FAM181B: variants seen among roughly 807,000 people sequenced by gnomAD.
FAM181B encodes the protein family with sequence similarity 181 member B.
In FAM181B, 13 loss-of-function variants were observed where a neutral mutation model predicts 17.8. The ratio of observed to expected loss-of-function variants is 0.73; its 90% CI spans 0.48 to 1.16. The LOEUF (loss-of-function observed/expected upper bound fraction) is 1.16. FAM181B is among the 50% of genes most tolerant of loss of function. The probability of loss-of-function intolerance (pLI) is 0.00; values close to 1 mark genes in which losing one functional copy is unlikely to be tolerated. For missense variants in FAM181B, 725 were observed against 634.1 expected, an observed-to-expected ratio of 1.14 and a Z score of -1.54; for synonymous variants, 338 against 316.5, an observed-to-expected ratio of 1.07 and a Z score of -0.72.
At position 82,730,407 on chromosome 11, in the gene FAM181B, G is replaced by A. The variant is rs1857115732; in HGVS notation, c.*2042C>T. The A allele has an allele frequency of 6.6e-6, 1 of 152,198 alleles. No homozygotes were observed. 9.4% of individuals were successfully genotyped at this position (152,198 alleles called of 1,614,324 possible). A position where few individuals can be genotyped will look rare whatever the true frequency, so the allele number is the denominator to read the frequency against. The stretch of plus-strand genomic sequence containing the variant: ...TTACTACACTAGGTAAGAAAGGAGA[G>A]GAGAATTAAGAAACATTACAATGAC... On this transcript the variant is annotated 3_prime_UTR_variant, in exon 1 of 1. Coordinates refer to ENST00000329203, the MANE Select transcript of FAM181B (RefSeq NM_175885.4).
At position 82,733,476 on chromosome 11, in the gene FAM181B, C is replaced by G; in HGVS notation, c.254G>C (p.Gly85Ala). 6.2e-7 allele frequency: 1 copy of G among 1,601,606 alleles called. No homozygotes were observed. The highest frequency in any genetic ancestry group is 8.5e-7 in the Non-Finnish European group (1 of 1,175,104). ...GTGGTTCACCTTCCGCTTCGACTTG[C>G]CCGGCTTGTCCAGCGCCAGCTTGAT... Reference protein sequence around the residue: ...SNIKLALDKPGKSKRKVNHRK... With the variant: ...SNIKLALDKPAKSKRKVNHRK... Residue 85 changes from glycine to alanine, a missense_variant, in exon 1 of 1, where the codon GGC becomes GCC. By Grantham distance (60) the Gly-to-Ala change is moderately conservative (BLOSUM62 0). Transcript: ENST00000329203.
At position 82,730,734 on chromosome 11, in the gene FAM181B, T is replaced by C. The variant is rs1056948208; in HGVS notation, c.*1715A>G. 1 of 152,242 alleles carries C rather than the reference T, an allele frequency of 6.6e-6. No homozygotes were observed. Among genetic ancestry groups the C allele is most frequent in the Non-Finnish European group, 1.5e-5 (1 of 68,038 alleles). 9.4% of individuals were successfully genotyped at this position (152,242 alleles called of 1,614,324 possible). On this transcript the variant is annotated 3_prime_UTR_variant, in exon 1 of 1. Transcript: ENST00000329203. ...ATAGCATTTAAAGTTGCATCTACCA[T>C]TGGTTAATACTCATTTTTTCCAGAA... is the stretch of plus-strand genomic sequence containing the variant.
Position 82,732,801 on chromosome 11 carries a change from G to C in FAM181B, c.929C>G (p.Pro310Arg). Reference protein sequence around the residue: ...PPELEPGLFEPPPAVVGNLLY... With the variant: ...PPELEPGLFERPPAVVGNLLY... ...TAGGTTTCCCACCACTGCCGGCGGC[G>C]GCTCAAAGAGGCCGGGCTCCAGCTC... Residue 310 changes from proline (P) to arginine (R), a missense_variant, in exon 1 of 1, where the codon CCG (proline) becomes CGG (arginine). By Grantham distance (103) the Pro-to-Arg change is moderately radical (BLOSUM62 -2). Transcript: ENST00000329203. The C allele has an allele frequency of 6.7e-7, 1 of 1,503,468 alleles. No homozygotes were observed. 93.1% of individuals were successfully genotyped at this position (1,503,468 alleles called of 1,614,324 possible).
rs1213174931 is a variant in FAM181B at position 82,732,433 on chromosome 11, G to C, written c.*16C>G. ...TCTCCACAGCCGTCTCTAATGAAGG[G>C]AAGCGTGCCTCGAAGTCAGTCCCGG... On this transcript the variant is annotated 3_prime_UTR_variant, in exon 1 of 1. Coordinates refer to ENST00000329203, the MANE Select transcript of FAM181B (RefSeq NM_175885.4). The C allele has an allele frequency of 6.2e-7, 1 of 1,611,386 alleles. No individual in the cohort carries two copies.
chr11:82,731,426 G>C lies in FAM181B; in HGVS notation c.*1023C>G, dbSNP rs1351097629. 4 of 152,240 alleles carry C rather than the reference G, an allele frequency of 2.6e-5. No homozygotes were observed. Among genetic ancestry groups the C allele is most frequent in the Non-Finnish European group, 4.4e-5 (3 of 68,090 alleles). The allele number at this position is 152,240 out of a possible 1,614,324, so 9.4% of individuals were successfully genotyped here. ...TAGCCCCCCGCCAAAAAAGGCATGGGACTCACAACTCTGTTTCCGTGTGTA... is the reference window on the plus strand; with the variant it reads ...TAGCCCCCCGCCAAAAAAGGCATGGCACTCACAACTCTGTTTCCGTGTGTA... On this transcript the variant is annotated 3_prime_UTR_variant, in exon 1 of 1. Coordinates refer to ENST00000329203, the MANE Select transcript of FAM181B (RefSeq NM_175885.4).
chr11:82,733,372 C>A lies in FAM181B; in HGVS notation c.358G>T (p.Ala120Ser), dbSNP rs1857165010. The A allele has an allele frequency of 6.4e-6, 9 of 1,411,888 alleles. No homozygotes were observed. Among genetic ancestry groups the A allele is most frequent in the Non-Finnish European group, 8.3e-6 (9 of 1,080,822 alleles). 87.5% of individuals were successfully genotyped at this position (1,411,888 alleles called of 1,614,324 possible). Residue 120 changes from alanine to serine, a missense_variant, in exon 1 of 1, where the codon GCC (alanine) becomes TCC (serine). Physicochemically the swap from Ala to Ser is moderately conservative, Grantham distance 99 (BLOSUM62 1). Coordinates refer to ENST00000329203, the MANE Select transcript of FAM181B (RefSeq NM_175885.4). ...GGCCGTTTGGCTGGCGTGTCGGCGG[C>A]GCTCGGGGAGGGCGGGCCGGGGGGC... ...AAPPGPPSPS[A>S]ADTPAKRPLA...
chr11:82,733,365 T>A lies in FAM181B; in HGVS notation c.365A>T (p.Asp122Val), dbSNP rs1477992739. 8.7e-6 allele frequency: 12 copies of A among 1,384,874 alleles called. No homozygotes were observed. The highest frequency in any genetic ancestry group is 1.1e-5 in the Non-Finnish European group (12 of 1,068,354). 85.8% of individuals were successfully genotyped at this position (1,384,874 alleles called of 1,614,324 possible). ...PPGPPSPSAA[D>V]TPAKRPLAAP... Reference sequence around the variant, plus strand: ...GGCCAGCGGCCGTTTGGCTGGCGTGTCGGCGGCGCTCGGGGAGGGCGGGCC... The same window carrying A: ...GGCCAGCGGCCGTTTGGCTGGCGTGACGGCGGCGCTCGGGGAGGGCGGGCC... Residue 122 changes from aspartate (D) to valine (V), a missense_variant, in exon 1 of 1, where the codon GAC (aspartate) becomes GTC (valine). Physicochemically the swap from Asp to Val is radical, Grantham distance 152. Coordinates refer to ENST00000329203, the MANE Select transcript of FAM181B (RefSeq NM_175885.4).
rs1033980255 is a variant in FAM181B, at chr11:82,731,368, T to C, written c.*1081A>G. On this transcript the variant is annotated 3_prime_UTR_variant, in exon 1 of 1. Transcript: ENST00000329203. ...GGGATGGTAAAGAGGATGTACAGCTTGTAAGGGAAAGGGCAATCACCAGGC... is the reference window on the plus strand; with the variant it reads ...GGGATGGTAAAGAGGATGTACAGCTCGTAAGGGAAAGGGCAATCACCAGGC... 3.9e-5 allele frequency: 6 copies of C among 152,052 alleles called. No individual in the cohort carries two copies. The highest frequency in any genetic ancestry group is 6.6e-5 in the Admixed American group (1 of 15,254). 9.4% of individuals were successfully genotyped at this position (152,052 alleles called of 1,614,324 possible). A position where few individuals can be genotyped will look rare whatever the true frequency, so the allele number is the denominator to read the frequency against.
At position 82,733,802 on chromosome 11, in the gene FAM181B, G is replaced by C. The variant is rs1341080862; in HGVS notation, c.-73C>G. On this transcript the variant is annotated 5_prime_UTR_variant, in exon 1 of 1. Transcript: ENST00000329203. Reference sequence around the variant, plus strand: ...AGCTCCTGCCCGCCGCCCAGACCCAGCTCCCGCCCCGGCGCGGCGCGCGCG... The same window carrying C: ...AGCTCCTGCCCGCCGCCCAGACCCACCTCCCGCCCCGGCGCGGCGCGCGCG... The C allele has an allele frequency of 1.7e-6, 2 of 1,177,962 alleles. No individual in the cohort carries two copies. The highest frequency in any genetic ancestry group is 2.1e-6 in the Non-Finnish European group (2 of 946,948). 73.0% of individuals were successfully genotyped at this position (1,177,962 alleles called of 1,614,324 possible). A position where few individuals can be genotyped will look rare whatever the true frequency, so the allele number is the denominator to read the frequency against.
chr11:82,733,230 G>A lies in FAM181B; in HGVS notation c.500C>T (p.Ala167Val), dbSNP rs1303798965. The A allele has an allele frequency of 2.2e-5, 28 of 1,277,310 alleles. No individual in the cohort carries two copies. The highest frequency in any genetic ancestry group is 2.8e-5 in the Non-Finnish European group (28 of 1,017,328). 79.1% of individuals were successfully genotyped at this position (1,277,310 alleles called of 1,614,324 possible). A position where few individuals can be genotyped will look rare whatever the true frequency, so the allele number is the denominator to read the frequency against. The change falls in exon 1 of 1, where the codon GCG (alanine) becomes GTG (valine). Residue 167 changes from alanine (A) to valine (V), a missense_variant. By Grantham distance (64) the Ala-to-Val change is moderately conservative. Coordinates refer to ENST00000329203, the MANE Select transcript of FAM181B (RefSeq NM_175885.4). ...GACGTGGCGCAGCGAGTCGAAGAGC[G>A]CGGCCAGACTTCGGCTTTGCAAGCT... ...AASLQSRSLAALFDSLRHVPG... is the reference protein window; with the variant it reads ...AASLQSRSLAVLFDSLRHVPG...
rs530378173 is a variant in FAM181B, at chr11:82,733,710, A to G, written c.20T>C (p.Leu7Pro). The G allele has an allele frequency of 2.4e-5, 35 of 1,442,276 alleles. No individual in the cohort carries two copies. The African/African-American group carries it at 3.8e-4, about 16-fold the overall frequency. The allele number at this position is 1,442,276 out of a possible 1,614,324, so 89.3% of individuals were successfully genotyped here. Residue 7 changes from leucine (L) to proline (P), a missense_variant, in exon 1 of 1, where the codon CTC becomes CCC. Coordinates refer to ENST00000329203, the MANE Select transcript of FAM181B (RefSeq NM_175885.4). The part of the protein sequence containing the change: MAVQAA[L>P]LSTHPFVPFG... ...GGGCACGAAAGGGTGCGTGCTGAGG[A>G]GCGCCGCCTGCACCGCCATCGCCGC...
rs909622033 is a variant in FAM181B at position 82,733,381 on chromosome 11, A to G, written c.349T>C (p.Ser117Pro). The change falls in exon 1 of 1, where the codon TCC (serine) becomes CCC (proline). Residue 117 changes from serine to proline, a missense_variant. By Grantham distance (74) the Ser-to-Pro change is moderately conservative. Transcript: ENST00000329203. ...GCTGGCGTGTCGGCGGCGCTCGGGG[A>G]GGGCGGGCCGGGGGGCGCGGCGCCC... ...LMGAAPPGPPSPSAADTPAKR... is the reference protein window; with the variant it reads ...LMGAAPPGPPPPSAADTPAKR... The G allele has an allele frequency of 1.5e-6, 2 of 1,343,596 alleles. No individual in the cohort carries two copies. Among genetic ancestry groups the G allele is most frequent in the Non-Finnish European group, 9.8e-7 (1 of 1,015,250 alleles). 83.2% of individuals were successfully genotyped at this position (1,343,596 alleles called of 1,614,324 possible).
At position 82,732,880 on chromosome 11, in the gene FAM181B, C is replaced by T. The variant is rs758597687; in HGVS notation, c.850G>A (p.Ala284Thr). 98 of 1,537,898 alleles carry T rather than the reference C, an allele frequency of 6.4e-5. No homozygotes were observed. The highest frequency in any genetic ancestry group is 6.5e-5 in the Non-Finnish European group (74 of 1,144,246). The change falls in exon 1 of 1, where the codon GCC becomes ACC. Residue 284 changes from alanine to threonine, a missense_variant. Ala to Thr is a moderately conservative substitution (Grantham distance 58). Transcript: ENST00000329203. The part of the protein sequence containing the change: ...AGTEAAVLLA[A>T]EPLDVFPAGA... Reference sequence around the variant, plus strand: ...GCGGGGAACACGTCGAGAGGCTCGGCGGCAAGCAAGACTGCCGCCTCCGTG... The same window carrying T: ...GCGGGGAACACGTCGAGAGGCTCGGTGGCAAGCAAGACTGCCGCCTCCGTG...
chr11:82,732,894 G>A lies in FAM181B; in HGVS notation c.836C>T (p.Ala279Val). Residue 279 changes from alanine to valine, a missense_variant, in exon 1 of 1, where the codon GCA becomes GTA. Ala to Val is a moderately conservative substitution (Grantham distance 64). Coordinates refer to ENST00000329203, the MANE Select transcript of FAM181B (RefSeq NM_175885.4). ...GPDYGAGTEAAVLLAAEPLDV... is the reference protein window; with the variant it reads ...GPDYGAGTEAVVLLAAEPLDV... ...GAGAGGCTCGGCGGCAAGCAAGACT[G>A]CCGCCTCCGTGCCGGCGCCGTAGTC... 6.5e-7 allele frequency: 1 copy of A among 1,544,940 alleles called. No homozygotes were observed. The highest frequency in any genetic ancestry group is 1.2e-5 in the South Asian group (1 of 83,764).
Position 82,732,189 on chromosome 11 carries a change from T to C in FAM181B, c.*260A>G. 1.9e-6 allele frequency: 1 copy of C among 512,888 alleles called. No homozygotes were observed. Among genetic ancestry groups the C allele is most frequent in the South Asian group, 2.4e-5 (1 of 40,896 alleles). 31.8% of individuals were successfully genotyped at this position (512,888 alleles called of 1,614,324 possible). A position where few individuals can be genotyped will look rare whatever the true frequency, so the allele number is the denominator to read the frequency against. On this transcript the variant is annotated 3_prime_UTR_variant, in exon 1 of 1. Coordinates refer to ENST00000329203, the MANE Select transcript of FAM181B (RefSeq NM_175885.4). ...TCCCCACCCCATACCCCAAACCATC[T>C]TGGTTTCTTGACTCCTCTGGTCCAG...
At position 82,732,563 on chromosome 11, in the gene FAM181B, A is replaced by G; in HGVS notation, c.1167T>C (p.His389=). Residue 389 remains histidine, a synonymous_variant, in exon 1 of 1, where the codon CAT becomes CAC. Coordinates refer to ENST00000329203, the MANE Select transcript of FAM181B (RefSeq NM_175885.4). ...CCGCGCTGTAATCGTAGGACACCTG[A>G]TGGGGCGGCGGCGGCGGGGGCAGGG... is the stretch of plus-strand genomic sequence containing the variant. ...DCALPPPPPP[H]QVSYDYSAGY... 1 of 1,610,188 alleles carries G rather than the reference A, an allele frequency of 6.2e-7. No individual in the cohort carries two copies. The highest frequency in any genetic ancestry group is 8.5e-7 in the Non-Finnish European group (1 of 1,178,828).
chr11:82,733,722 A>G lies in FAM181B; in HGVS notation c.8T>C (p.Val3Ala). 7.0e-7 allele frequency: 1 copy of G among 1,419,152 alleles called. No homozygotes were observed. 87.9% of individuals were successfully genotyped at this position (1,419,152 alleles called of 1,614,324 possible). A position where few individuals can be genotyped will look rare whatever the true frequency, so the allele number is the denominator to read the frequency against. MA[V>A]QAALLSTHPF... is the part of the protein sequence containing the mutation. ...GTGCGTGCTGAGGAGCGCCGCCTGC[A>G]CCGCCATCGCCGCGGCTCCCGGGCT... The change falls in exon 1 of 1, where the codon GTG becomes GCG. Residue 3 changes from valine to alanine, a missense_variant. By Grantham distance (64) the Val-to-Ala change is moderately conservative. Coordinates refer to ENST00000329203, the MANE Select transcript of FAM181B (RefSeq NM_175885.4).
In FAM181B at chr11:82,733,255, T is replaced by C; in HGVS notation, c.475A>G (p.Ser159Gly). Residue 159 changes from serine to glycine, a missense_variant, in exon 1 of 1, where the codon AGC becomes GGC. By Grantham distance (56) the Ser-to-Gly change is moderately conservative. Transcript: ENST00000329203. The stretch of plus-strand genomic sequence containing the variant: ...GCGGCCAGACTTCGGCTTTGCAAGC[T>C]GGCGGCCGCGGCGGCCTGCGACGCC... ...REASQAAAAA[S>G]LQSRSLAALF... 8.1e-7 allele frequency: 1 copy of C among 1,231,412 alleles called. No homozygotes were observed. Among genetic ancestry groups the C allele is most frequent in the Non-Finnish European group, 1.0e-6 (1 of 988,740 alleles). 76.3% of individuals were successfully genotyped at this position (1,231,412 alleles called of 1,614,324 possible).
rs1279461734 is a variant in FAM181B at position 82,733,108 on chromosome 11, G to A, written c.622C>T (p.Pro208Ser). The A allele has an allele frequency of 3.4e-6, 5 of 1,481,864 alleles. No individual in the cohort carries two copies. The highest frequency in any genetic ancestry group is 2.9e-5 in the African/African-American group (2 of 68,474). The allele number at this position is 1,481,864 out of a possible 1,614,324, so 91.8% of individuals were successfully genotyped here. Reference sequence around the variant, plus strand: ...CCTGGGATCGCCGTGGCCCCCGCGGGGCCTGCCACGTCCCCTCCCGCGCCC... The same window carrying A: ...CCTGGGATCGCCGTGGCCCCCGCGGAGCCTGCCACGTCCCCTCCCGCGCCC... ...TGGAGGDVAG[P>S]AGATAIPGAR... The change falls in exon 1 of 1, where the codon CCC becomes TCC. Residue 208 changes from proline to serine, a missense_variant. By Grantham distance (74) the Pro-to-Ser change is moderately conservative. Transcript: ENST00000329203.
Sources: allele counts gnomAD v4.1 joint callset, GRCh38; gene constraint gnomAD v4.1.1; transcripts MANE v1.5; gene names NCBI Gene and HGNC (gene_info 2026-07-23, HGNC 2026-07-21).